The following GPATCH8 variants were observed in gnomAD, a reference collection of about 807,000 sequenced individuals.
GPATCH8 encodes the protein G-patch domain containing 8.
In GPATCH8, 18 loss-of-function variants were observed where a neutral mutation model predicts 118.3. The observed-to-expected ratio is 0.15, with a 90% CI of 0.11 to 0.23. The LOEUF (loss-of-function observed/expected upper bound fraction) is 0.23. GPATCH8 is among the 10% of genes least tolerant of loss of function. The pLI, the probability that GPATCH8 is intolerant of heterozygous loss-of-function variation, is 1.00. For synonymous variants in GPATCH8, 659 were observed against 684.7 expected, an observed-to-expected ratio of 0.96 and a Z score of 0.59; for missense variants, 1,631 against 1,873.8, an observed-to-expected ratio of 0.87 and a Z score of 2.39.
In GPATCH8 at chr17:44,405,955, G is replaced by A. The variant is rs1459336179; in HGVS notation, c.589C>T (p.His197Tyr). Residue 197 changes from histidine (H) to tyrosine (Y), a missense_variant, in exon 7 of 8, where the codon CAT (histidine) becomes TAT (tyrosine). Transcript: ENST00000591680. ...TGTTTTCTTTGCTCTGCCAACTCATGGAGCCGCCGAAGGGCTTTTTCCTGT... is the reference window on the plus strand; with the variant it reads ...TGTTTTCTTTGCTCTGCCAACTCATAGAGCCGCCGAAGGGCTTTTTCCTGT... ...KKQEKALRRL[H>Y]ELAEQRKQAE... 6.2e-7 allele frequency: 1 copy of A among 1,612,368 alleles called. No homozygotes were observed. The highest frequency in any genetic ancestry group is 1.3e-5 in the African/African-American group (1 of 74,886).
At chr17:44,422,640 G>T (rs1472101502) in intron 6 of GPATCH8, among the ~76,000 whole-genome samples, 6 of 151,842 alleles carry the variant, frequency 4.0e-5, no homozygotes, top group Admixed American at 3.9e-4. Flanking sequence ...ACAGGCGCTC[G>T]CTACCAGGCC....
Position 44,399,354 on chromosome 17 carries a change from G to T in GPATCH8, c.2723C>A (p.Ser908Tyr). 1 of 1,614,172 alleles carries T rather than the reference G, an allele frequency of 6.2e-7. No homozygotes were observed. The highest frequency in any genetic ancestry group is 8.5e-7 in the Non-Finnish European group (1 of 1,179,992). Residue 908 changes from serine (S) to tyrosine (Y), a missense_variant, in exon 8 of 8, where the codon TCC becomes TAC. Transcript: ENST00000591680. Reference protein sequence around the residue: ...SDRSRRHSKRSHDSDDSDYAS... With the variant: ...SDRSRRHSKRYHDSDDSDYAS... Reference sequence around the variant, plus strand: ...ATAGTCTGAGTCATCTGAGTCATGGGAGCGCTTGGAGTGCCTTCGTGATCT... The same window carrying T: ...ATAGTCTGAGTCATCTGAGTCATGGTAGCGCTTGGAGTGCCTTCGTGATCT...
chr17:44,483,176 AAT>A lies in GPATCH8; in HGVS notation c.46-8275_46-8274del, dbSNP rs1163758356. ...TCTCAAAAAAAAAAAAAAAAAAAAAAATATATATATATATATATATATATATA... is the reference window on the plus strand; with the variant it reads ...TCTCAAAAAAAAAAAAAAAAAAAAAAATATATATATATATATATATATATA... On this transcript the variant is annotated intron_variant, in intron 1 of 7. Coordinates refer to ENST00000591680, the MANE Select transcript of GPATCH8 (RefSeq NM_001002909.4). Among the ~76,000 whole-genome samples, 53 of 12,934 alleles carry A rather than the reference AAT, an allele frequency of 4.1e-3. 1 individual carries two copies. The highest frequency in any genetic ancestry group is 0.011 in the East Asian group (2 of 176). 8.5% of individuals were successfully genotyped at this position (12,934 alleles called of 152,430 possible). A position where few individuals can be genotyped will look rare whatever the true frequency, so the allele number is the denominator to read the frequency against.
chr17:44,480,628 G>C (rs926407103), intron 1 of GPATCH8, among the ~76,000 whole-genome samples: 1 of 151,250 alleles, frequency 6.6e-6, no homozygotes, highest in African/African-American at 2.4e-5. Context: ...GCTGAGGCAG[G>C]AGAATCGCTT....
chr17:44,415,521 T>C (rs1417840018), intron 6 of GPATCH8, among the ~76,000 whole-genome samples: 1 of 152,218 alleles, frequency 6.6e-6, no homozygotes, highest in East Asian at 1.9e-4. Context: ...TTTTTGAATT[T>C]GGGATGCTCA....
chr17:44,453,390 T>C (rs1037790340), intron 3 of GPATCH8, among the ~76,000 whole-genome samples: 1 of 152,172 alleles, frequency 6.6e-6, no homozygotes, highest in Non-Finnish European at 1.5e-5. Context: ...CAGGGGCTTA[T>C]TATAAGATTT....
intron 2 of GPATCH8, among the ~76,000 whole-genome samples, chr17:44,472,600 A>G (rs1339743926): frequency 6.6e-6 from 1 of 152,228 alleles, no homozygotes; most frequent in Non-Finnish European, 1.5e-5. Context: ...TAAGACAATT[A>G]ACCAACCATG....
In GPATCH8 at chr17:44,405,925, C is replaced by T; in HGVS notation, c.619G>A (p.Glu207Lys). 6.2e-7 allele frequency: 1 copy of T among 1,608,764 alleles called. No individual in the cohort carries two copies. The highest frequency in any genetic ancestry group is 1.3e-5 in the African/African-American group (1 of 74,938). ...TCTGATAAAAAATATCCTCACCATT[C>T]AGCTTGTTTTCTTTGCTCTGCCAAC... ...HELAEQRKQA[E>K]CAPGSGPMFK... Residue 207 changes from glutamate to lysine, a missense_variant, in exon 7 of 8, where the codon GAA becomes AAA. Glu to Lys is a moderately conservative substitution (Grantham distance 56). Around this residue, in one of 8 missense-constraint regions of GPATCH8, gnomAD observed 81 missense variants for 227.6 expected, o/e 0.36. Coordinates refer to ENST00000591680, the MANE Select transcript of GPATCH8 (RefSeq NM_001002909.4).
chr17:44,479,467 G>T (rs942371777), intron 1 of GPATCH8, among the ~76,000 whole-genome samples: 3 of 152,086 alleles, frequency 2.0e-5, no homozygotes, highest in African/African-American at 7.2e-5. Context: ...TCAATTAACG[G>T]TGCTAGAACT....
chr17:44,496,138 G>A (rs772440411), intron 1 of GPATCH8, among the ~76,000 whole-genome samples: 26 of 152,140 alleles, frequency 1.7e-4, no homozygotes, highest in Non-Finnish European at 2.8e-4. Flanking sequence ...CCAAAATGCC[G>A]GGATTATAGG....
Position 44,395,653 on chromosome 17 carries a change from G to C in GPATCH8, c.*1915C>G. 4.4e-6 allele frequency: 2 copies of C among 454,158 alleles called. No homozygotes were observed. Among genetic ancestry groups the C allele is most frequent in the South Asian group, 3.1e-5 (2 of 64,482 alleles). 28.1% of individuals were successfully genotyped at this position (454,158 alleles called of 1,614,324 possible). On this transcript the variant is annotated 3_prime_UTR_variant, in exon 8 of 8. Transcript: ENST00000591680. ...AATCAGATGAGTACTGAACAGGTAG[G>C]AGGGTGGGAGGGCAGTCAAGAGTTG...
In GPATCH8 at chr17:44,400,385, G is replaced by A; in HGVS notation, c.1692C>T (p.Ser564=). Residue 564 remains serine (S), a synonymous_variant, in exon 8 of 8, where the codon TCC becomes TCT. Transcript: ENST00000591680. The stretch of plus-strand genomic sequence containing the variant: ...ATAAAGGGTTACAACTGTATGAAAT[G>A]GAGGGTTCTGCCTTGGTGAAAATTA... ...ELLIFTKAEP[S]ISYSCNPLYF... 6.2e-7 allele frequency: 1 copy of A among 1,613,538 alleles called. No individual in the cohort carries two copies.
Position 44,396,293 on chromosome 17 carries a change from CCTT to C in GPATCH8, c.*1272_*1274del, listed in dbSNP as rs1453647576. 2 of 454,414 alleles carry C rather than the reference CCTT, an allele frequency of 4.4e-6. No homozygotes were observed. Among genetic ancestry groups the C allele is most frequent in the Non-Finnish European group, 4.4e-6 (1 of 226,802 alleles). 28.1% of individuals were successfully genotyped at this position (454,414 alleles called of 1,614,324 possible). ...AGACAATAAAGCTGTTGAATCCCCT[CCTT>C]CTCCTCTGTGGGGTCTACCTGTTTC... On this transcript the variant is annotated 3_prime_UTR_variant, in exon 8 of 8. Coordinates refer to ENST00000591680, the MANE Select transcript of GPATCH8 (RefSeq NM_001002909.4).
At chr17:44,436,331 T>C (rs1482608100) in intron 4 of GPATCH8, 147 bp downstream of exon 4, 1 of 669,166 alleles carries the variant, frequency 1.5e-6, no homozygotes, top group African/African-American at 1.8e-5. Context: ...TAAATGAAAA[T>C]GTAAAATATA....
At chr17:44,417,853 T>G (rs2049744661) in intron 6 of GPATCH8, among the ~76,000 whole-genome samples, 1 of 152,204 alleles carries the variant, frequency 6.6e-6, no homozygotes, top group Non-Finnish European at 1.5e-5. Context: ...AGTCAACTGT[T>G]ATGTTGAAAT....
intron 5 of GPATCH8, among the ~76,000 whole-genome samples, chr17:44,427,057 G>A (rs1319734822): frequency 2.0e-5 from 3 of 152,018 alleles, no homozygotes; most frequent in South Asian, 4.2e-4. Context: ...TGATATATAT[G>A]TAATTGCCTA....
chr17:44,485,973 C>A (rs1465980231), intron 1 of GPATCH8, among the ~76,000 whole-genome samples: 1 of 152,178 alleles, frequency 6.6e-6, no homozygotes. Context: ...CAGCTCACTG[C>A]AGCTTCTACT....
chr17:44,456,654 A>C (rs1403770083), intron 3 of GPATCH8, among the ~76,000 whole-genome samples: 2 of 152,102 alleles, frequency 1.3e-5, no homozygotes, highest in Admixed American at 6.5e-5. Flanking sequence ...CTTTAGTCAT[A>C]AAATGTAGTC....
At chr17:44,402,955 A>C (rs2049084002) in intron 7 of GPATCH8, among the ~76,000 whole-genome samples, 1 of 152,170 alleles carries the variant, frequency 6.6e-6, no homozygotes, top group African/African-American at 2.4e-5. Flanking sequence ...GTCTAACTGC[A>C]TTGCCCAGGC....
Sources: gnomAD v4.1 joint callset for allele counts (sites outside exome capture counted in the v4.1 genomes callset) on GRCh38, gnomAD v4.1.1 for gene constraint, gnomAD v4.1.1 regional missense constraint, MANE v1.5 for transcripts, NCBI Gene and HGNC (gene_info 2026-07-23, HGNC 2026-07-21) for gene names.